The following RBFOX1 variants were observed in gnomAD, a reference collection of about 807,000 sequenced individuals.
RBFOX1 encodes RNA binding protein fox-1 homolog 1.
In RBFOX1, 8 loss-of-function variants were observed where a neutral mutation model predicts 57.7. The observed-to-expected ratio is 0.14, with a 90% CI of 0.08 to 0.25. The LOEUF (loss-of-function observed/expected upper bound fraction) is 0.25, where lower values mean the gene tolerates loss of function less well. RBFOX1 is among the 10% of genes least tolerant of loss of function. RBFOX1 has a pLI of 1.00. For synonymous variants in RBFOX1, 326 were observed against 222.4 expected, an observed-to-expected ratio of 1.47 and a Z score of -4.15; for missense variants, 611 against 548.5, an observed-to-expected ratio of 1.11 and a Z score of -1.14.
intron 2 of RBFOX1, among the ~76,000 whole-genome samples, chr16:6,478,404 T>TATATATATATAC (rs2095309443): frequency 5.9e-5 from 1 of 16,982 alleles, no homozygotes; most frequent in African/African-American, 3.5e-4. Flanking sequence ...TATATATATA[T>TATATATATATAC]ATATATATAT....
At chr16:6,937,244 G>T (rs531137931) in intron 3 of RBFOX1, among the ~76,000 whole-genome samples, 9 of 152,176 alleles carry the variant, frequency 5.9e-5, no homozygotes, top group Non-Finnish European at 1.0e-4. Flanking sequence ...TGGGTACTCA[G>T]ATACCCAGAT....
chr16:6,184,873 A>T (rs1374964679), intron 1 of RBFOX1, among the ~76,000 whole-genome samples: 1 of 152,144 alleles, frequency 6.6e-6, no homozygotes, highest in Non-Finnish European at 1.5e-5. Context: ...GGTCTACTAC[A>T]GGAATTTAAG....
At chr16:7,705,727 C>T (rs951249735) in intron 14 of RBFOX1, among the ~76,000 whole-genome samples, 1 of 152,108 alleles carries the variant, frequency 6.6e-6, no homozygotes, top group African/African-American at 2.4e-5. Flanking sequence ...ATGTAAATAG[C>T]TGCTGGTTTG....
intron 1 of RBFOX1, among the ~76,000 whole-genome samples, chr16:6,299,852 A>G (rs1241468424): frequency 6.6e-6 from 1 of 152,198 alleles, no homozygotes; most frequent in African/African-American, 2.4e-5. Flanking sequence ...CATTAAAAAC[A>G]CCAACCTCAG....
intron 5 of RBFOX1, among the ~76,000 whole-genome samples, chr16:7,577,067 A>C (rs11643742): frequency 0.32 from 48,090 of 152,144 alleles, 8,984 homozygotes; most frequent in East Asian, 0.53. Context: ...TCAGTGTTAC[A>C]GTGTTGCTCT....
intron 2 of RBFOX1, among the ~76,000 whole-genome samples, chr16:6,438,308 T>C (rs1298597232): frequency 6.6e-6 from 1 of 152,194 alleles, no homozygotes; most frequent in East Asian, 1.9e-4. Context: ...TACTGTTGTT[T>C]CTATGTTAAA....
intron 2 of RBFOX1, among the ~76,000 whole-genome samples, chr16:6,500,739 G>A (rs1319198811): frequency 6.6e-6 from 1 of 152,108 alleles, no homozygotes; most frequent in African/African-American, 2.4e-5. Context: ...CATCTTGACT[G>A]CATGTCAAGA....
At chr16:6,765,360 T>C (rs1035587080) in intron 3 of RBFOX1, among the ~76,000 whole-genome samples, 2 of 152,160 alleles carry the variant, frequency 1.3e-5, no homozygotes, top group Non-Finnish European at 2.9e-5. Context: ...ATACGGCTTG[T>C]TGGAAAGTCC....
At chr16:5,457,751 C>T (rs2068673692) in intron 1 of RBFOX1, among the ~76,000 whole-genome samples, 1 of 152,244 alleles carries the variant, frequency 6.6e-6, no homozygotes, top group Admixed American at 6.5e-5. Flanking sequence ...GTGTGACTAT[C>T]TGTGTGGACT....
chr16:6,615,035 A>G (rs2098122541), intron 2 of RBFOX1, among the ~76,000 whole-genome samples: 1 of 152,210 alleles, frequency 6.6e-6, no homozygotes, highest in African/African-American at 2.4e-5. Flanking sequence ...GTGATGCATA[A>G]GATGATCTGT....
chr16:5,366,114 C>A lies in RBFOX1; in HGVS notation c.220-101102C>A, dbSNP rs116863875. 9.6e-4 allele frequency: 440 copies of A among 457,850 alleles called. 1 individual carries two copies. The highest frequency in any genetic ancestry group is 6.8e-4 in the Non-Finnish European group (159 of 234,232). The allele number at this position is 457,850 out of a possible 1,614,324, so 28.4% of individuals were successfully genotyped here. On this transcript the variant is annotated intron_variant, in intron 1 of 2. Coordinates refer to the RBFOX1 transcript ENST00000585867. ...CTTACGGTTGAAGTGTGGTTCAGGG[C>A]GAGTGCATGCTAATGGACAGCACTT...
At chr16:7,693,958 A>T (rs3785200) in intron 14 of RBFOX1, among the ~76,000 whole-genome samples, 5,782 of 152,272 alleles carry the variant, frequency 0.038, 253 homozygotes, top group East Asian at 0.24. Flanking sequence ...TTTGGTTTTG[A>T]AACCAGGACA....
intron 1 of RBFOX1, among the ~76,000 whole-genome samples, chr16:6,091,651 G>A (rs1309609488): frequency 1.3e-5 from 2 of 152,140 alleles, no homozygotes. Flanking sequence ...CCAACATGGG[G>A]AAACCCCATC....
intron 2 of RBFOX1, among the ~76,000 whole-genome samples, chr16:6,335,292 G>A (rs2083489715): frequency 6.6e-6 from 1 of 152,112 alleles, no homozygotes; most frequent in Non-Finnish European, 1.5e-5. Context: ...GTTTGAATGC[G>A]CGTCAGGCCC....
chr16:6,848,898 A>T (rs1367636824), intron 3 of RBFOX1, among the ~76,000 whole-genome samples: 1 of 152,138 alleles, frequency 6.6e-6, no homozygotes, highest in African/African-American at 2.4e-5. Context: ...ACAGAAAACG[A>T]TAGTGTTGCA....
intron 2 of RBFOX1, among the ~76,000 whole-genome samples, chr16:5,581,527 G>A (rs1278655279): frequency 6.6e-6 from 1 of 152,202 alleles, no homozygotes; most frequent in Admixed American, 6.5e-5. Context: ...ACAAGCTTTA[G>A]GAAGTGTCAC....
At chr16:6,013,749 T>G (rs984095104) in intron 4 of RBFOX1, among the ~76,000 whole-genome samples, 2 of 152,216 alleles carry the variant, frequency 1.3e-5, no homozygotes, top group East Asian at 3.9e-4. Context: ...CCACATTTTC[T>G]TAATCCAGTC....
intron 4 of RBFOX1, among the ~76,000 whole-genome samples, chr16:5,980,582 T>G (rs1454770225): frequency 6.6e-6 from 1 of 152,138 alleles, no homozygotes; most frequent in Non-Finnish European, 1.5e-5. Context: ...ACTTCTTGAG[T>G]ATTTCCCAGA....
intron 1 of RBFOX1, among the ~76,000 whole-genome samples, chr16:5,439,504 C>T (rs75419030): frequency 2.0e-5 from 3 of 151,370 alleles, no homozygotes; most frequent in South Asian, 2.1e-4. Flanking sequence ...CTGGAGAGAA[C>T]GAACAAATGC....
Sources: allele counts gnomAD v4.1 joint callset (sites outside exome capture counted in the v4.1 genomes callset), GRCh38; gene constraint gnomAD v4.1.1; transcripts MANE v1.5; gene names NCBI Gene and HGNC (gene_info 2026-07-23, HGNC 2026-07-21).